The following MRPS10 variants were observed in gnomAD, a reference collection of about 807,000 sequenced individuals.
MRPS10 encodes the protein mitochondrial ribosomal protein S10.
MRPS10 carries 23 observed loss-of-function variants against 27.5 expected under a neutral mutation model. That is an observed-to-expected ratio of 0.84 (90% CI 0.60 to 1.18). MRPS10 has a LOEUF of 1.18. MRPS10 is among the 50% of genes most tolerant of loss of function. The pLI is 0.00. For missense variants in MRPS10, 237 were observed against 240.1 expected (o/e 0.99, Z 0.09); for synonymous variants, 88 against 84.2 (o/e 1.04, Z -0.25).
rs1408699560 is a variant in MRPS10, at chr6:42,207,850, A to T, written c.*439T>A. ...AATTAGCATATGCCAGCCTGCACAA[A>T]GGTAAATAGCAAAAACTTTAACTGC... On this transcript the variant is annotated 3_prime_UTR_variant, in exon 7 of 7. Transcript: ENST00000053468. The T allele has an allele frequency of 5.6e-6, 1 of 177,416 alleles. No individual in the cohort carries two copies. The highest frequency in any genetic ancestry group is 1.2e-5 in the Non-Finnish European group (1 of 85,900). The allele number at this position is 177,416 out of a possible 1,614,324, so 11.0% of individuals were successfully genotyped here.
At chr6:42,211,688 A>AG in intron 4 of MRPS10, 93 bp downstream of exon 4, 1 of 1,290,892 alleles carries the variant, frequency 7.7e-7, no homozygotes, top group South Asian at 1.6e-5. Flanking sequence ...AAAAAAAAAA[A>AG]AAAGAGTTCA....
chr6:42,212,809 T>C (rs1242980738), intron 3 of MRPS10, among the ~76,000 whole-genome samples: 2 of 152,240 alleles, frequency 1.3e-5, no homozygotes, highest in African/African-American at 4.8e-5. Context: ...AATATACTGA[T>C]AGCCTGTGTC....
At position 42,207,913 on chromosome 6, in the gene MRPS10, TA is replaced by T. The variant is rs925338459; in HGVS notation, c.*375del. The stretch of plus-strand genomic sequence containing the variant: ...AACCAAAGATTCCTTCTAGGAATCT[TA>T]AAAAAAAATAAGGGTACGAACACTC... On this transcript the variant is annotated 3_prime_UTR_variant, in exon 7 of 7. Coordinates refer to ENST00000053468, the MANE Select transcript of MRPS10 (RefSeq NM_018141.4). The T allele has an allele frequency of 3.2e-3, 560 of 177,110 alleles. No homozygotes were observed. The highest frequency in any genetic ancestry group is 0.011 in the African/African-American group (461 of 41,566). The allele number at this position is 177,110 out of a possible 1,614,324, so 11.0% of individuals were successfully genotyped here.
chr6:42,216,257 C>T (rs1562075186), intron 1 of MRPS10, among the ~76,000 whole-genome samples: 2 of 151,086 alleles, frequency 1.3e-5, no homozygotes, highest in South Asian at 4.2e-4. Flanking sequence ...CTCCTGATCT[C>T]GTGATCCGCC....
At chr6:42,213,675 T>C (rs1252801764) in intron 3 of MRPS10, among the ~76,000 whole-genome samples, 1 of 152,196 alleles carries the variant, frequency 6.6e-6, no homozygotes, top group Non-Finnish European at 1.5e-5. Flanking sequence ...TCTACAGGGT[T>C]ACCAAGTTCC....
rs1174697166 is a variant in MRPS10, at chr6:42,206,959, A to C, written c.*1330T>G. On this transcript the variant is annotated 3_prime_UTR_variant, in exon 7 of 7. Coordinates refer to ENST00000053468, the MANE Select transcript of MRPS10 (RefSeq NM_018141.4). Reference sequence around the variant, plus strand: ...TTAAGGGGGGAAAAACTGAGAAGTCATAACTACTCCAAAGATGTGCAGGAA... The same window carrying C: ...TTAAGGGGGGAAAAACTGAGAAGTCCTAACTACTCCAAAGATGTGCAGGAA... The C allele has an allele frequency of 6.6e-6, 1 of 152,220 alleles. No individual in the cohort carries two copies. Among genetic ancestry groups the C allele is most frequent in the Non-Finnish European group, 1.5e-5 (1 of 68,042 alleles). 9.4% of individuals were successfully genotyped at this position (152,220 alleles called of 1,614,324 possible).
chr6:42,208,448 G>T, intron 6 of MRPS10, 76 bp from the exon 7 acceptor site: 2 of 1,101,526 alleles, frequency 1.8e-6, no homozygotes, highest in Non-Finnish European at 2.7e-6. Context: ...TTATTAATTT[G>T]GTCAAATCCT....
intron 1 of MRPS10, among the ~76,000 whole-genome samples, chr6:42,216,504 C>T (rs1768946474): frequency 6.7e-6 from 1 of 149,924 alleles, no homozygotes; most frequent in Admixed American, 6.7e-5. Flanking sequence ...TACCATCTGA[C>T]TTTTCTCAAG....
At chr6:42,209,747 C>CAAAAAA (rs60179760) in intron 5 of MRPS10, among the ~76,000 whole-genome samples, 3 of 58,612 alleles carry the variant, frequency 5.1e-5, no homozygotes, top group African/African-American at 1.5e-4. Context: ...GACTCTATCT[C>CAAAAAA]AAAAAAAAAA....
intron 1 of MRPS10, among the ~76,000 whole-genome samples, chr6:42,215,003 A>AT (rs1449444662): frequency 6.6e-6 from 1 of 152,212 alleles, no homozygotes; most frequent in African/African-American, 2.4e-5. Flanking sequence ...ACTACTACAT[A>AT]TAACAGCTGT....
rs748706048 is a variant in MRPS10, at chr6:42,217,804, G to T, written c.46C>A (p.Gln16Lys). 1 of 1,614,080 alleles carries T rather than the reference G, an allele frequency of 6.2e-7. No homozygotes were observed. Among genetic ancestry groups the T allele is most frequent in the East Asian group, 2.2e-5 (1 of 44,874 alleles). Residue 16 changes from glutamine (Q) to lysine (K), a missense_variant and splice_region_variant, in exon 1 of 7, where the codon CAG becomes AAG. Gln to Lys is a moderately conservative substitution (Grantham distance 53). Coordinates refer to ENST00000053468, the MANE Select transcript of MRPS10 (RefSeq NM_018141.4). ...AFGAVCRRLWQGLGNFSVNTS... is the reference protein window; with the variant it reads ...AFGAVCRRLWKGLGNFSVNTS... ...AGTCTCCCTAGCCAATCCAGTACCT[G>T]CCAGAGGCGCCGGCACACAGCACCG... is the stretch of plus-strand genomic sequence containing the variant.
At chr6:42,211,694 G>C in intron 4 of MRPS10, 87 bp downstream of exon 4, 1 of 849,146 alleles carries the variant, frequency 1.2e-6, no homozygotes, top group South Asian at 1.9e-5. Flanking sequence ...AAAAAAAAGA[G>C]TTCAGACCTT....
At chr6:42,214,631 C>T (rs531115946) in intron 1 of MRPS10, among the ~76,000 whole-genome samples, 1 of 102,708 alleles carries the variant, frequency 9.7e-6, no homozygotes, top group African/African-American at 2.6e-5. Flanking sequence ...ATTATGTGGA[C>T]ATCAAGAAAA....
chr6:42,211,885 A>G lies in MRPS10; in HGVS notation c.219T>C (p.Tyr73=). ...VTISDEPDIL[Y]KRLSVLVKGH... is the part of the protein sequence containing the mutation. ...CTTTCACCAAAACCGAGAGGCGCTTATATAATATGTCTGGTTCATCAGAGA... is the reference window on the plus strand; with the variant it reads ...CTTTCACCAAAACCGAGAGGCGCTTGTATAATATGTCTGGTTCATCAGAGA... Residue 73 remains tyrosine (Y), a synonymous_variant, in exon 4 of 7, where the codon TAT becomes TAC. Transcript: ENST00000053468. The G allele has an allele frequency of 6.2e-7, 1 of 1,613,982 alleles. No homozygotes were observed. The highest frequency in any genetic ancestry group is 1.3e-5 in the African/African-American group (1 of 75,028).
Position 42,214,381 on chromosome 6 carries a change from A to C in MRPS10, c.49-37T>G, listed in dbSNP as rs779536576. 3 of 1,458,788 alleles carry C rather than the reference A, an allele frequency of 2.1e-6. No individual in the cohort carries two copies. In the Admixed American group the frequency reaches 5.3e-5, roughly 26 times the overall value. The allele number at this position is 1,458,788 out of a possible 1,614,324, so 90.4% of individuals were successfully genotyped here. ...AAAAGTAGGACATGTGTTAGAATTA[A>C]AGTCAACTACCAAACCATTCATAAT... On this transcript the variant is annotated intron_variant, in intron 1 of 6. Coordinates refer to ENST00000053468, the MANE Select transcript of MRPS10 (RefSeq NM_018141.4).
In MRPS10 at chr6:42,211,762, C is replaced by T. The variant is rs372331098; in HGVS notation, c.323+19G>A. On this transcript the variant is annotated intron_variant, in intron 4 of 6. Transcript: ENST00000053468. ...TATTACAGCAGCGAACAGGTCGGGT[C>T]AGGAAAGGCCATACTCACACTTTAA... The T allele has an allele frequency of 1.9e-6, 3 of 1,606,764 alleles. No homozygotes were observed. The African/African-American group carries it at 4.0e-5, about 22-fold the overall frequency.
chr6:42,216,413 T>TGTGTGTGTGTGTGTGTGTGTG (rs371361467), intron 1 of MRPS10, among the ~76,000 whole-genome samples: 12 of 128,428 alleles, frequency 9.3e-5, no homozygotes, highest in South Asian at 2.6e-4. Context: ...TGTGTGTGTG[T>TGTGTGTGTGTGTGTGTGTGTG]TGGGGGAGTG....
intron 1 of MRPS10, among the ~76,000 whole-genome samples, chr6:42,216,749 T>TG (rs1768952716): frequency 2.6e-5 from 4 of 152,070 alleles, no homozygotes; most frequent in Admixed American, 2.6e-4. Flanking sequence ...AGGTGGAGGC[T>TG]GTAGTGAGCC....
intron 1 of MRPS10, among the ~76,000 whole-genome samples, chr6:42,215,542 CCA>C (rs1768902073): frequency 6.6e-6 from 1 of 151,844 alleles, no homozygotes. Context: ...TCCTCCCACC[CCA>C]GTCTCCCAGA....
Sources: allele counts gnomAD v4.1 joint callset (sites outside exome capture counted in the v4.1 genomes callset), GRCh38; gene constraint gnomAD v4.1.1; transcripts MANE v1.5; gene names NCBI Gene and HGNC (gene_info 2026-07-23, HGNC 2026-07-21).